The following TMEM8B variants were observed in gnomAD, a reference collection of about 807,000 sequenced individuals.
TMEM8B encodes nasopharyngeal carcinoma expressed 6.
A neutral mutation model predicts 49.3 loss-of-function variants in TMEM8B; 29 were observed. That is an observed-to-expected ratio of 0.59 (90% CI 0.44 to 0.80). The LOEUF (loss-of-function observed/expected upper bound fraction) is 0.80. Among genes scored for constraint, TMEM8B ranks in the 30% least tolerant of loss-of-function variants. The pLI, the probability that TMEM8B is intolerant of heterozygous loss-of-function variation, is 0.00. For missense variants in TMEM8B, 575 were observed against 658.5 expected, an observed-to-expected ratio of 0.87 and a Z score of 1.39; for synonymous variants, 264 against 272.8, an observed-to-expected ratio of 0.97 and a Z score of 0.32.
chr9:35,835,923 C>T (rs560077088), intron 3 of TMEM8B, among the ~76,000 whole-genome samples: 40 of 152,352 alleles, frequency 2.6e-4, no homozygotes, highest in Admixed American at 2.5e-3. Flanking sequence ...TCCTGCCACT[C>T]TCATGGATTA....
intron 10 of TMEM8B, among the ~76,000 whole-genome samples, chr9:35,852,287 GGACT>G (rs1313905567): frequency 6.6e-6 from 1 of 152,112 alleles, no homozygotes; most frequent in Non-Finnish European, 1.5e-5. Context: ...ATGGCCTTAG[GGACT>G]GCCTTTTTTC....
rs1832588466 is a variant in TMEM8B at position 35,858,299 on chromosome 9, CG to C, written c.*4462del. 1 of 151,924 alleles carries C rather than the reference CG, an allele frequency of 6.6e-6. No individual in the cohort carries two copies. 9.4% of individuals were successfully genotyped at this position (151,924 alleles called of 1,614,324 possible). A position where few individuals can be genotyped will look rare whatever the true frequency, so the allele number is the denominator to read the frequency against. On this transcript the variant is annotated 3_prime_UTR_variant, in exon 13 of 13. Transcript: ENST00000643932. The stretch of plus-strand genomic sequence containing the variant: ...AGAGGCAGGGTTTCATCACATTTCC[CG>C]GGCTGGTCTCGAACTCCTGGCCTCA...
chr9:35,847,850 A>G (rs1052632468), intron 10 of TMEM8B, among the ~76,000 whole-genome samples: 1 of 152,202 alleles, frequency 6.6e-6, no homozygotes, highest in African/African-American at 2.4e-5. Context: ...GGAAAGGTAG[A>G]GAAGTGAGCC....
In TMEM8B at chr9:35,862,120, T is replaced by C. The variant is rs1237135917; in HGVS notation, c.*8280T>C. ...CATTCACTTATTCAACAAATAGTTATTGAGCACCTACTATGTGTTAGGCCC... is the reference window on the plus strand; with the variant it reads ...CATTCACTTATTCAACAAATAGTTACTGAGCACCTACTATGTGTTAGGCCC... On this transcript the variant is annotated 3_prime_UTR_variant, in exon 13 of 13. Coordinates refer to ENST00000643932, the MANE Select transcript of TMEM8B (RefSeq NM_001042590.4). 1 of 152,214 alleles carries C rather than the reference T, an allele frequency of 6.6e-6. No individual in the cohort carries two copies. Among genetic ancestry groups the C allele is most frequent in the East Asian group, 1.9e-4 (1 of 5,192 alleles). The allele number at this position is 152,214 out of a possible 1,614,324, so 9.4% of individuals were successfully genotyped here.
chr9:35,845,768 CT>C, intron 6 of TMEM8B: 1 of 985,448 alleles, frequency 1.0e-6, no homozygotes. Flanking sequence ...CTCATCAGTC[CT>C]TGAAAGATTT....
At chr9:35,835,345 CG>C in intron 3 of TMEM8B, 127 bp downstream of exon 3, 1 of 400,860 alleles carries the variant, frequency 2.5e-6, no homozygotes, top group South Asian at 1.4e-4. Context: ...GTGGCTGGGG[CG>C]GGGCATGGCT....
At position 35,845,966 on chromosome 9, in the gene TMEM8B, C is replaced by G; in HGVS notation, c.1636-9C>G. 6.2e-7 allele frequency: 1 copy of G among 1,613,830 alleles called. No individual in the cohort carries two copies. On this transcript the variant is annotated splice_polypyrimidine_tract_variant and intron_variant, in intron 6 of 12. Coordinates refer to ENST00000643932, the MANE Select transcript of TMEM8B (RefSeq NM_001042590.4). ...GTGGCGGCCTCACTTCCATACCTGC[C>G]CTCCCCAGAGCTCCGTGCGCCAGGA... is the stretch of plus-strand genomic sequence containing the variant.
intron 1 of TMEM8B, among the ~76,000 whole-genome samples, chr9:35,833,736 G>C (rs1830148825): frequency 6.6e-6 from 1 of 152,110 alleles, no homozygotes; most frequent in Non-Finnish European, 1.5e-5. Flanking sequence ...GACCTGGGAG[G>C]CCTGATGACT....
chr9:35,848,908 C>T (rs148910897), intron 10 of TMEM8B, among the ~76,000 whole-genome samples: 439 of 152,146 alleles, frequency 2.9e-3, no homozygotes, highest in Middle Eastern at 0.01. Context: ...CTCCTGACCT[C>T]GTGAACCACC....
At position 35,835,246 on chromosome 9, in the gene TMEM8B, G is replaced by A. The variant is rs559253244; in HGVS notation, c.906+28G>A. 88 of 414,890 alleles carry A rather than the reference G, an allele frequency of 2.1e-4. 1 individual carries two copies. The highest frequency in any genetic ancestry group is 2.5e-4 in the Non-Finnish European group (57 of 226,452). 25.7% of individuals were successfully genotyped at this position (414,890 alleles called of 1,614,324 possible). ...GGGTTGATGTTGCCCAGGCTCGGGG[G>A]TCCAGAACTGCCCTTCCATCTCTGC... On this transcript the variant is annotated intron_variant, in intron 3 of 12. Transcript: ENST00000643932.
intron 1 of TMEM8B, 122 bp from the exon 2 acceptor site, chr9:35,834,339 C>T: frequency 2.5e-6 from 1 of 398,498 alleles, no homozygotes; most frequent in East Asian, 3.6e-5. Flanking sequence ...AAACCCAGTT[C>T]CTGGCTCAGA....
rs139548898 is a variant in TMEM8B at position 35,830,640 on chromosome 9, A to G, written c.508+685A>G. On this transcript the variant is annotated intron_variant, in intron 1 of 12. Transcript: ENST00000643932. Reference sequence around the variant, plus strand: ...CTAGAAAAAAGGTTTCCTAATTCCTATTTCATACTAGTGTGTTTTTTTTTA... The same window carrying G: ...CTAGAAAAAAGGTTTCCTAATTCCTGTTTCATACTAGTGTGTTTTTTTTTA... Among the ~76,000 whole-genome samples the G allele has an allele frequency of 3.8e-3, 504 of 134,006 alleles. 3 individuals are homozygous for G. The highest frequency in any genetic ancestry group is 5.5e-3 in the Non-Finnish European group (339 of 61,622). The allele number at this position is 134,006 out of a possible 152,430, so 87.9% of individuals were successfully genotyped here.
chr9:35,841,061 A>G lies in TMEM8B; in HGVS notation c.907-73A>G. 4.8e-6 allele frequency: 2 copies of G among 413,378 alleles called. No homozygotes were observed. Among genetic ancestry groups the G allele is most frequent in the Non-Finnish European group, 8.8e-6 (2 of 226,200 alleles). The allele number at this position is 413,378 out of a possible 1,614,324, so 25.6% of individuals were successfully genotyped here. A position where few individuals can be genotyped will look rare whatever the true frequency, so the allele number is the denominator to read the frequency against. On this transcript the variant is annotated intron_variant, in intron 3 of 12. Coordinates refer to ENST00000643932, the MANE Select transcript of TMEM8B (RefSeq NM_001042590.4). The surrounding 1 kb of genome is among the most constrained non-coding windows in gnomAD (Gnocchi z 5.9). ...GGGGTTTCTCCCCAGCCCGCCCAGC[A>G]GGTTCTGTTTGCCTTGGTTTAGTCA...
At chr9:35,838,814 C>G (rs1433864924) in intron 3 of TMEM8B, among the ~76,000 whole-genome samples, 2 of 152,214 alleles carry the variant, frequency 1.3e-5, no homozygotes, top group Non-Finnish European at 2.9e-5. Flanking sequence ...GCCCCAAATC[C>G]TTGATTTTTC....
At chr9:35,831,932 G>A (rs750970248) in intron 1 of TMEM8B, among the ~76,000 whole-genome samples, 2 of 152,212 alleles carry the variant, frequency 1.3e-5, no homozygotes, top group Non-Finnish European at 2.9e-5. Flanking sequence ...GAGGCTGGCA[G>A]TGTCATAGGA....
rs1167907299 is a variant in TMEM8B at position 35,859,185 on chromosome 9, A to C, written c.*5345A>C. On this transcript the variant is annotated 3_prime_UTR_variant, in exon 13 of 13. Coordinates refer to ENST00000643932, the MANE Select transcript of TMEM8B (RefSeq NM_001042590.4). ...GTAGAACAATGCGACAGTCTTATCC[A>C]CGTTGGGATCCTTGGCCTTGGGTTT... 1 of 154,180 alleles carries C rather than the reference A, an allele frequency of 6.5e-6. No homozygotes were observed. The highest frequency in any genetic ancestry group is 1.5e-5 in the Non-Finnish European group (1 of 68,626). The allele number at this position is 154,180 out of a possible 1,614,324, so 9.6% of individuals were successfully genotyped here.
In TMEM8B at chr9:35,858,359, G is replaced by A. The variant is rs1471095888; in HGVS notation, c.*4519G>A. 6.6e-6 allele frequency: 1 copy of A among 151,932 alleles called. No homozygotes were observed. The highest frequency in any genetic ancestry group is 6.6e-5 in the Admixed American group (1 of 15,240). 9.4% of individuals were successfully genotyped at this position (151,932 alleles called of 1,614,324 possible). ...TCCCACCTCGGTCTCCCAAAGTGCT[G>A]GGATTACAGGTATGAGCCACCACAC... On this transcript the variant is annotated 3_prime_UTR_variant, in exon 13 of 13. Coordinates refer to ENST00000643932, the MANE Select transcript of TMEM8B (RefSeq NM_001042590.4).
At chr9:35,835,834 AG>A (rs1219317257) in intron 3 of TMEM8B, among the ~76,000 whole-genome samples, 1 of 152,198 alleles carries the variant, frequency 6.6e-6, no homozygotes, top group East Asian at 1.9e-4. Flanking sequence ...TATTTCACAG[AG>A]GTTGTTAAAG....
rs569414078 is a variant in TMEM8B, at chr9:35,834,567, A to T, written c.615A>T (p.Thr205=). ...ELFHFHVPED[T]FLAVWNLIIF... is the part of the protein sequence containing the mutation. ...TCCACTTCCATGTTCCTGAGGACAC[A>T]TTCCTGGCTGTTTGGAACCTCATCA... The change falls in exon 2 of 13, where the codon ACA becomes ACT. Residue 205 remains threonine, a synonymous_variant. Coordinates refer to ENST00000643932, the MANE Select transcript of TMEM8B (RefSeq NM_001042590.4). 5.5e-4 allele frequency: 229 copies of T among 416,330 alleles called. 1 individual carries two copies. The highest frequency in any genetic ancestry group is 4.5e-3 in the African/African-American group (220 of 48,802). 25.8% of individuals were successfully genotyped at this position (416,330 alleles called of 1,614,324 possible). A position where few individuals can be genotyped will look rare whatever the true frequency, so the allele number is the denominator to read the frequency against.
Sources: allele counts gnomAD v4.1 joint callset (sites outside exome capture counted in the v4.1 genomes callset), GRCh38; gene constraint gnomAD v4.1.1; non-coding constraint Gnocchi (gnomAD v3.1); transcripts MANE v1.5; gene names NCBI Gene and HGNC (gene_info 2026-07-23, HGNC 2026-07-21).